Variants in BACH2 observed in about 807,000 individuals in gnomAD.
BACH2 encodes the protein BACH transcriptional regulator 2, also known as transcription regulator protein BACH2.
Under a neutral mutation model 61.8 loss-of-function variants are expected in BACH2, and 5 were observed. That is an observed-to-expected ratio of 0.08 (90% CI 0.04 to 0.17). The LOEUF (loss-of-function observed/expected upper bound fraction) is 0.17, where lower values mean the gene tolerates loss of function less well. Ranked by LOEUF, BACH2 falls within the 10% of genes least tolerant of loss-of-function variation. The pLI, the probability that BACH2 is intolerant of heterozygous loss-of-function variation, is 1.00. For synonymous variants in BACH2, 446 were observed against 440.1 expected (o/e 1.01, Z -0.17); for missense variants, 824 against 1,091.1 (o/e 0.76, Z 3.45).
chr6:90,045,211 G>A lies in BACH2; in HGVS notation c.-12-36355C>T, dbSNP rs201203960. On this transcript the variant is annotated intron_variant, in intron 5 of 8. Coordinates refer to ENST00000257749, the MANE Select transcript of BACH2 (RefSeq NM_021813.4). ...GCTAATCCAGACTTTTCCCTTACAT[G>A]CGCAGAAAAGCCTGCATCCTAAATT... is the stretch of plus-strand genomic sequence containing the variant. Among the ~76,000 whole-genome samples the A allele has an allele frequency of 5.9e-5, 9 of 152,246 alleles. No individual in the cohort carries two copies. In the East Asian group the frequency reaches 9.7e-4, roughly 16 times the overall value.
At chr6:89,967,312 G>T (rs1775098432) in intron 6 of BACH2, among the ~76,000 whole-genome samples, 1 of 152,224 alleles carries the variant, frequency 6.6e-6, no homozygotes, top group East Asian at 1.9e-4. Flanking sequence ...TGAACCTTTG[G>T]TTTTTGACAA....
chr6:89,952,151 ATCCTGGC>A, intron 6 of BACH2: 1 of 406,398 alleles, frequency 2.5e-6, no homozygotes, highest in African/African-American at 2.0e-5. Flanking sequence ...CTAATGAAAT[ATCCTGGC>A]AAAAATGCAC....
rs201652313 is a variant in BACH2 at position 89,973,209 on chromosome 6, C to CT, written c.244-21348dup. Among the ~76,000 whole-genome samples, 1,090 of 152,168 alleles carry CT rather than the reference C, an allele frequency of 7.2e-3. 13 individuals carry two copies. Among genetic ancestry groups the CT allele is most frequent in the African/African-American group, 0.024 (990 of 41,512 alleles). ...TTGAGCCCAAGAGTTCAGGACCAGCCTGGGCAACACTGAGACCCCATCTCT... is the reference window on the plus strand; with the variant it reads ...TTGAGCCCAAGAGTTCAGGACCAGCCTTGGGCAACACTGAGACCCCATCTCT... On this transcript the variant is annotated intron_variant, in intron 6 of 8. Coordinates refer to ENST00000257749, the MANE Select transcript of BACH2 (RefSeq NM_021813.4).
chr6:90,092,226 C>A (rs1782187518), intron 4 of BACH2, among the ~76,000 whole-genome samples: 1 of 147,960 alleles, frequency 6.8e-6, no homozygotes, highest in Admixed American at 6.7e-5. Context: ...TCGAAGCAAC[C>A]CACTTCTGTT....
chr6:90,251,219 C>A (rs377534031), intron 3 of BACH2, among the ~76,000 whole-genome samples: 75 of 151,346 alleles, frequency 5.0e-4, no homozygotes, highest in African/African-American at 5.8e-4. Context: ...GCCATTTTTT[C>A]CTAAAAACCT....
At chr6:90,005,133 G>T (rs1157227041) in intron 6 of BACH2, among the ~76,000 whole-genome samples, 1 of 152,094 alleles carries the variant, frequency 6.6e-6, no homozygotes, top group African/African-American at 2.4e-5. Context: ...ATTGGGATTT[G>T]GGGGTGGAAT....
rs777106735 is a variant in BACH2 at position 89,951,527 on chromosome 6, C to T, written c.579G>A (p.Glu193=). 9.4e-5 allele frequency: 151 copies of T among 1,614,118 alleles called. No homozygotes were observed. The highest frequency in any genetic ancestry group is 1.2e-4 in the Non-Finnish European group (143 of 1,180,046). Residue 193 remains glutamate (E), a synonymous_variant, in exon 7 of 9, where the codon GAG becomes GAA. Transcript: ENST00000257749. This position sits in a 1 kb window ranked among gnomAD's most constrained non-coding sequence, Gnocchi z 6.4. ...TCTCTGCTACGGGGATGGCGGCGGCCTCAAAGCTGATGGGCTCTGGAAGCA... is the reference window on the plus strand; with the variant it reads ...TCTCTGCTACGGGGATGGCGGCGGCTTCAAAGCTGATGGGCTCTGGAAGCA... The part of the protein sequence containing the change: ...DQMLPEPISF[E]AAAIPVAEKE...
At chr6:90,022,511 G>A (rs760267015) in intron 5 of BACH2, among the ~76,000 whole-genome samples, 3 of 152,206 alleles carry the variant, frequency 2.0e-5, no homozygotes, top group Admixed American at 6.5e-5. Context: ...TTGAACCCAG[G>A]AGGCAAAGGT....
chr6:90,051,880 T>A (rs1268207959), intron 5 of BACH2, among the ~76,000 whole-genome samples: 1 of 152,236 alleles, frequency 6.6e-6, no homozygotes, highest in African/African-American at 2.4e-5. Flanking sequence ...CACAAGTTGA[T>A]ATATCATATT....
chr6:90,160,443 C>T (rs955017502), intron 4 of BACH2, among the ~76,000 whole-genome samples: 8 of 152,184 alleles, frequency 5.3e-5, no homozygotes, highest in African/African-American at 1.9e-4. Context: ...ACAATCTGGC[C>T]AGTGCACACA....
At position 89,932,596 on chromosome 6, in the gene BACH2, G is replaced by C; in HGVS notation, c.2338C>G (p.Pro780Ala). Residue 780 changes from proline to alanine, a missense_variant, in exon 9 of 9, where the codon CCC becomes GCC. Physicochemically the swap from Pro to Ala is conservative, Grantham distance 27 (BLOSUM62 -1). Around this residue, in one of 8 missense-constraint regions of BACH2, gnomAD observed 135 missense variants for 142.7 expected, o/e 0.95. Coordinates refer to ENST00000257749, the MANE Select transcript of BACH2 (RefSeq NM_021813.4). ...LEPGAAPPGP[P>A]WAPSNTSENC... is the part of the protein sequence containing the mutation. ...TCGGAGGTGTTGCTGGGTGCCCAGG[G>C]GGGTCCGGGGGGAGCCGCGCCTGGC... is the stretch of plus-strand genomic sequence containing the variant. 1 of 1,614,058 alleles carries C rather than the reference G, an allele frequency of 6.2e-7. No homozygotes were observed. Among genetic ancestry groups the C allele is most frequent in the Non-Finnish European group, 8.5e-7 (1 of 1,179,992 alleles).
At chr6:89,965,637 C>T (rs1234584943) in intron 6 of BACH2, among the ~76,000 whole-genome samples, 1 of 152,234 alleles carries the variant, frequency 6.6e-6, no homozygotes, top group Non-Finnish European at 1.5e-5. Context: ...CAATTTGAAT[C>T]CCTCTTTCAC....
intron 2 of BACH2, among the ~76,000 whole-genome samples, chr6:90,266,350 C>T (rs1199921861): frequency 3.9e-5 from 6 of 152,264 alleles, no homozygotes; most frequent in East Asian, 1.9e-4. Context: ...TGACCAACTA[C>T]AGAGAGAGGA....
At chr6:90,249,855 G>T (rs760068848) in intron 3 of BACH2, among the ~76,000 whole-genome samples, 1 of 152,130 alleles carries the variant, frequency 6.6e-6, no homozygotes, top group Non-Finnish European at 1.5e-5. Context: ...ACCCTACCAA[G>T]AATTTGTATT....
At chr6:90,255,452 A>G (rs62408227) in intron 2 of BACH2, among the ~76,000 whole-genome samples, 40,799 of 152,064 alleles carry the variant, frequency 0.27, 6,007 homozygotes, top group Non-Finnish European at 0.34. Flanking sequence ...AGACCCAAAG[A>G]GTGTCAGGAA....
At position 90,124,547 on chromosome 6, in the gene BACH2, T is replaced by C. The variant is rs1297355052; in HGVS notation, c.-161-35438A>G. On this transcript the variant is annotated intron_variant, in intron 4 of 8. Transcript: ENST00000257749. ...TGCAAATATGTTATATCCCTTGTTT[T>C]GTAACTTGCTTTTTCCACACTGTAA... Among the ~76,000 whole-genome samples the C allele has an allele frequency of 2.6e-5, 4 of 152,220 alleles. No homozygotes were observed. The East Asian group carries it at 5.8e-4, about 22-fold the overall frequency.
At chr6:90,240,832 C>G (rs1467466897) in intron 3 of BACH2, among the ~76,000 whole-genome samples, 1 of 152,068 alleles carries the variant, frequency 6.6e-6, no homozygotes, top group Non-Finnish European at 1.5e-5. Context: ...CTGCCTCCAG[C>G]CAAACATTAT....
intron 5 of BACH2, among the ~76,000 whole-genome samples, chr6:90,014,466 ATATTTTTTTTTTT>A (rs1206077731): frequency 5.9e-5 from 3 of 50,918 alleles, no homozygotes; most frequent in East Asian, 1.1e-3. Context: ...ATATATATAT[ATATTTTTTTTTTT>A]TTTTTTTTTT....
rs369760866 is a variant in BACH2 at position 90,077,379 on chromosome 6, C to T, written c.-13+11582G>A. 4.9e-4 allele frequency among the ~76,000 whole-genome samples: 74 copies of T among 152,196 alleles called. 4 individuals carry two copies. In the East Asian group the frequency reaches 8.5e-3, roughly 17 times the overall value. ...TGAAAGTCACCTAGAATGATTTGCT[C>T]GGCCTGAAAAGCATTCTTCCATTTC... On this transcript the variant is annotated intron_variant, in intron 5 of 8. Transcript: ENST00000257749.
Sources: gnomAD v4.1 joint callset for allele counts (sites outside exome capture counted in the v4.1 genomes callset) on GRCh38, gnomAD v4.1.1 for gene constraint, gnomAD v4.1.1 regional missense constraint, Gnocchi (gnomAD v3.1) non-coding constraint, MANE v1.5 for transcripts, NCBI Gene and HGNC (gene_info 2026-07-23, HGNC 2026-07-21) for gene names.